The following ELN variants were observed in gnomAD, a reference collection of about 807,000 sequenced individuals.
ELN encodes elastin, also known as tropoelastin.
A neutral mutation model predicts 105.8 loss-of-function variants in ELN; 65 were observed. The observed-to-expected ratio is 0.61, with a 90% CI of 0.50 to 0.75. ELN has a LOEUF of 0.75. ELN is among the 30% of genes least tolerant of loss of function. The pLI, the probability that ELN is intolerant of heterozygous loss-of-function variation, is 0.00. For synonymous variants in ELN, 368 were observed against 389.2 expected, an observed-to-expected ratio of 0.95 and a Z score of 0.64; for missense variants, 882 against 969.4, an observed-to-expected ratio of 0.91 and a Z score of 1.20.
At chr7:74,038,063 C>T (rs1395426912) in intron 4 of ELN, 1 of 401,492 alleles carries the variant, frequency 2.5e-6, no homozygotes, top group African/African-American at 2.1e-5. Flanking sequence ...TTAGAGGCAA[C>T]ATCAGGGATT....
At chr7:74,057,806 G>C (rs1795640496) in intron 22 of ELN, 110 bp downstream of exon 22, 1 of 1,292,314 alleles carries the variant, frequency 7.7e-7, no homozygotes, top group Admixed American at 1.8e-5. Flanking sequence ...CACTTAAGCT[G>C]TCACATTCTG....
rs1554660052 is a variant in ELN at position 74,028,229 on chromosome 7, C to T, written c.42C>T (p.Leu14=). ...CGGCGGCCCCGCGGCCCGGAGTCCT[C>T]CTGCTCCTGCTGTCCATCCTCCACC... The part of the protein sequence containing the change: ...LTAAAPRPGV[L]LLLLSILHPS... Residue 14 remains leucine (L), a synonymous_variant, in exon 1 of 33, where the codon CTC becomes CTT. Coordinates refer to ENST00000252034, the MANE Select transcript of ELN (RefSeq NM_000501.4). 1.2e-6 allele frequency: 2 copies of T among 1,610,968 alleles called. No homozygotes were observed. Among genetic ancestry groups the T allele is most frequent in the African/African-American group, 1.3e-5 (1 of 75,038 alleles).
chr7:74,055,505 A>C (rs1795040887), intron 19 of ELN, among the ~76,000 whole-genome samples: 1 of 151,922 alleles, frequency 6.6e-6, no homozygotes, highest in Non-Finnish European at 1.5e-5. Context: ...TCTGAGATAG[A>C]GTCTCACTCT....
rs781816280 is a variant in ELN at position 74,063,703 on chromosome 7, T to C, written c.1993+8T>C. On this transcript the variant is annotated splice_region_variant and intron_variant, in intron 29 of 32. Coordinates refer to ENST00000252034, the MANE Select transcript of ELN (RefSeq NM_000501.4). The surrounding 1 kb of genome is among the most constrained non-coding windows in gnomAD (Gnocchi z 4.1). Reference sequence around the variant, plus strand: ...GTGTTGGGGGCCTTGGAGGTGAGAGTTGTTCTGAAATCAGTGAGTGTGTGT... The same window carrying C: ...GTGTTGGGGGCCTTGGAGGTGAGAGCTGTTCTGAAATCAGTGAGTGTGTGT... The C allele has an allele frequency of 1.9e-6, 3 of 1,613,354 alleles. No individual in the cohort carries two copies. The highest frequency in any genetic ancestry group is 2.7e-5 in the African/African-American group (2 of 74,642).
intron 21 of ELN, among the ~76,000 whole-genome samples, chr7:74,057,064 G>A (rs1795401197): frequency 6.6e-6 from 1 of 151,996 alleles, no homozygotes; most frequent in African/African-American, 2.4e-5. Context: ...ATGGTGAAAT[G>A]CTGTCTGTAC....
intron 2 of ELN, 79 bp downstream of exon 2, chr7:74,035,493 A>G: frequency 6.4e-7 from 1 of 1,556,340 alleles, no homozygotes; most frequent in Non-Finnish European, 8.8e-7. Flanking sequence ...TTTTGACACT[A>G]CAGAAGGTAG....
intron 1 of ELN, among the ~76,000 whole-genome samples, chr7:74,030,088 A>C (rs1788331473): frequency 6.6e-6 from 1 of 152,234 alleles, no homozygotes; most frequent in Non-Finnish European, 1.5e-5. Flanking sequence ...CTTTGCAGAG[A>C]TCAATCTCAG....
chr7:74,054,899 G>A (rs1318442729), intron 19 of ELN, 130 bp downstream of exon 19: 13 of 971,372 alleles, frequency 1.3e-5, no homozygotes, highest in Non-Finnish European at 2.1e-5. Context: ...TCACCAGCAG[G>A]CCTCAGGACA....
At position 74,063,490 on chromosome 7, in the gene ELN, TG is replaced by T; in HGVS notation, c.1918+122del. On this transcript the variant is annotated intron_variant, in intron 28 of 32. Transcript: ENST00000252034. This position sits in a 1 kb window ranked among gnomAD's most constrained non-coding sequence, Gnocchi z 4.1. ...TGCCCCAGACACCTCCTGGCTCCAC[TG>T]TGCCATCGAAGGCCAGGGGAGACCT... 1 of 1,606,336 alleles carries T rather than the reference TG, an allele frequency of 6.2e-7. No homozygotes were observed. Among genetic ancestry groups the T allele is most frequent in the Non-Finnish European group, 8.5e-7 (1 of 1,177,164 alleles).
rs1554679789 is a variant in ELN, at chr7:74,056,387, G to A, written c.1267G>A (p.Val423Ile). The change falls in exon 20 of 33, where the codon GTC (valine) becomes ATC (isoleucine). Residue 423 changes from valine to isoleucine, a missense_variant. Coordinates refer to ENST00000252034, the MANE Select transcript of ELN (RefSeq NM_000501.4). The stretch of plus-strand genomic sequence containing the variant: ...CCCTGGAGTCGCAGGTGTCCCTGGT[G>A]TCGGAGGTGTTCCCGGAGTCGGAGG... ...GIPGVAGVPG[V>I]GGVPGVGGVP... 1.2e-6 allele frequency: 2 copies of A among 1,613,528 alleles called. No individual in the cohort carries two copies. The highest frequency in any genetic ancestry group is 2.7e-5 in the African/African-American group (2 of 74,986).
At chr7:74,064,844 T>C (rs1797599349) in intron 29 of ELN, among the ~76,000 whole-genome samples, 1 of 152,142 alleles carries the variant, frequency 6.6e-6, no homozygotes, top group South Asian at 2.1e-4. Context: ...TGTGGCCATT[T>C]CCCCCTTTCT....
chr7:74,046,583 A>G (rs1554672339), intron 11 of ELN, 113 bp from the exon 12 acceptor site: 20 of 1,137,642 alleles, frequency 1.8e-5, no homozygotes, highest in Non-Finnish European at 2.5e-5. Context: ...TCGAAGCAGG[A>G]TGGTTTCTGG....
At chr7:74,043,292 C>A in intron 8 of ELN, 124 bp downstream of exon 8, 1 of 1,403,592 alleles carries the variant, frequency 7.1e-7, no homozygotes, top group Non-Finnish European at 9.8e-7. Context: ...TTCAGTCGGG[C>A]AGAGAAACTA....
At chr7:74,066,848 T>A in intron 32 of ELN, 72 bp downstream of exon 32, 1 of 1,540,686 alleles carries the variant, frequency 6.5e-7, no homozygotes, top group Admixed American at 1.7e-5. Flanking sequence ...TCCTGTGCCA[T>A]CTCCTGCTCA....
intron 1 of ELN, 52 bp from the exon 2 acceptor site, chr7:74,035,312 C>T (rs1554664792): frequency 6.2e-7 from 1 of 1,604,500 alleles, no homozygotes; most frequent in African/African-American, 1.3e-5. Context: ...ACTTTTGCAC[C>T]AGCCTAATAG....
chr7:74,037,643 G>T, intron 3 of ELN, 64 bp from the exon 4 acceptor site: 1 of 1,585,194 alleles, frequency 6.3e-7, no homozygotes, highest in Non-Finnish European at 8.6e-7. Context: ...CGGGTTGGGG[G>T]TTGGATAAGT....
intron 1 of ELN, among the ~76,000 whole-genome samples, chr7:74,031,845 AAAGG>A (rs1337552650): frequency 8.0e-6 from 1 of 124,336 alleles, no homozygotes; most frequent in East Asian, 2.6e-4. Context: ...AGAAAGAAAG[AAAGG>A]AAGGAAGGAA....
intron 15 of ELN, 29 bp from the exon 16 acceptor site, chr7:74,051,721 A>G (rs1160406097): frequency 1.2e-6 from 2 of 1,612,742 alleles, no homozygotes; most frequent in Admixed American, 3.3e-5. Flanking sequence ...TCCTTGGGAA[A>G]CTACATTGCA....
Position 74,063,650 on chromosome 7 carries a change from C to A in ELN, c.1948C>A (p.Leu650Ile). 1 of 1,614,180 alleles carries A rather than the reference C, an allele frequency of 6.2e-7. No homozygotes were observed. Among genetic ancestry groups the A allele is most frequent in the Non-Finnish European group, 8.5e-7 (1 of 1,180,034 alleles). ...AGTGGGAGCCGCTGGGCTCGGAGGA[C>A]TCGGAGTCGGAGGGCTTGGAGTTCC... The part of the protein sequence containing the change: ...GLVGAAGLGG[L>I]GVGGLGVPGV... The change falls in exon 29 of 33, where the codon CTC becomes ATC. Residue 650 changes from leucine to isoleucine, a missense_variant. Transcript: ENST00000252034. The surrounding 1 kb of genome is among the most constrained non-coding windows in gnomAD (Gnocchi z 4.1).
Sources: allele counts gnomAD v4.1 joint callset (sites outside exome capture counted in the v4.1 genomes callset), GRCh38; gene constraint gnomAD v4.1.1; non-coding constraint Gnocchi (gnomAD v3.1); transcripts MANE v1.5; gene names NCBI Gene and HGNC (gene_info 2026-07-23, HGNC 2026-07-21).